GADL1: variants seen among roughly 807,000 people sequenced by gnomAD.
GADL1 encodes the protein GAD like acidic amino acid decarboxylase 1.
GADL1 carries 71 observed loss-of-function variants against 69.5 expected under a neutral mutation model. The observed-to-expected ratio is 1.02, with a 90% CI of 0.84 to 1.25. The LOEUF (loss-of-function observed/expected upper bound fraction) is 1.25. Among genes scored for constraint, GADL1 ranks in the 50% most tolerant of loss-of-function variants. The probability of loss-of-function intolerance (pLI) is 0.00; values close to 1 mark genes in which losing one functional copy is unlikely to be tolerated. For synonymous variants in GADL1, 254 were observed against 214.4 expected, an observed-to-expected ratio of 1.18 and a Z score of -1.62; for missense variants, 737 against 631.8, an observed-to-expected ratio of 1.17 and a Z score of -1.79.
At chr3:30,842,631 TAAC>T (rs1697986334) in intron 8 of GADL1, among the ~76,000 whole-genome samples, 1 of 151,956 alleles carries the variant, frequency 6.6e-6, no homozygotes, top group Non-Finnish European at 1.5e-5. Context: ...CAACAAGCAT[TAAC>T]AACATAATGC....
At chr3:30,774,418 C>T (rs919005366) in intron 14 of GADL1, among the ~76,000 whole-genome samples, 2 of 152,092 alleles carry the variant, frequency 1.3e-5, no homozygotes, top group African/African-American at 2.4e-5. Context: ...CCATGTAAAG[C>T]AAGGGAAAAA....
At chr3:30,785,981 CTGTA>C (rs1696780487) in intron 13 of GADL1, among the ~76,000 whole-genome samples, 1 of 152,096 alleles carries the variant, frequency 6.6e-6, no homozygotes, top group Non-Finnish European at 1.5e-5. Flanking sequence ...AAAGAGAAAA[CTGTA>C]TGCAGTACTG....
rs182207881 is a variant in GADL1 at position 30,779,455 on chromosome 3, A to G, written c.1303-1187T>C. Among the ~76,000 whole-genome samples, 27 of 152,372 alleles carry G rather than the reference A, an allele frequency of 1.8e-4. 1 individual carries two copies. The East Asian group carries it at 5.2e-3, about 29-fold the overall frequency. ...ATCATCTCATATCTTAATAAAAAGT[A>G]GTTTAAAATGAAACACTGTAATTCA... On this transcript the variant is annotated intron_variant, in intron 13 of 14. Coordinates refer to ENST00000282538, the MANE Select transcript of GADL1 (RefSeq NM_207359.3).
At chr3:30,801,567 GTGAAAGAGCTA>G (rs1697166186) in intron 11 of GADL1, among the ~76,000 whole-genome samples, 1 of 152,122 alleles carries the variant, frequency 6.6e-6, no homozygotes, top group African/African-American at 2.4e-5. Context: ...TAAAAACCCA[GTGAAAGAGCTA>G]TGGAAGAGGT....
intron 6 of GADL1, among the ~76,000 whole-genome samples, chr3:30,845,639 A>G (rs1698040497): frequency 6.6e-6 from 1 of 150,484 alleles, no homozygotes; most frequent in Non-Finnish European, 1.5e-5. Context: ...GGACATGTCC[A>G]AAATGCCTGT....
At chr3:30,891,334 C>T (rs998440791) in intron 1 of GADL1, among the ~76,000 whole-genome samples, 5 of 152,140 alleles carry the variant, frequency 3.3e-5, no homozygotes, top group Non-Finnish European at 5.9e-5. Context: ...CACATCCAGC[C>T]CTACCATGAG....
intron 14 of GADL1, among the ~76,000 whole-genome samples, chr3:30,760,390 G>T (rs1463485736): frequency 6.6e-6 from 1 of 152,034 alleles, no homozygotes; most frequent in Non-Finnish European, 1.5e-5. Context: ...TCAGGGACTT[G>T]TATCACTCTG....
At chr3:30,842,797 A>C (rs11709194) in intron 8 of GADL1, among the ~76,000 whole-genome samples, 34,038 of 144,126 alleles carry the variant, frequency 0.24, 4,320 homozygotes, top group East Asian at 0.42. Context: ...AGATAACAAT[A>C]AAGTTCACTT....
intron 1 of GADL1, among the ~76,000 whole-genome samples, chr3:30,879,097 C>T (rs1698612153): frequency 6.6e-6 from 1 of 151,770 alleles, no homozygotes; most frequent in Non-Finnish European, 1.5e-5. Context: ...CTGACTGGTA[C>T]CTTTGTCCCT....
chr3:30,872,323 C>G (rs1460178137), intron 1 of GADL1, among the ~76,000 whole-genome samples: 1 of 151,870 alleles, frequency 6.6e-6, no homozygotes, highest in Non-Finnish European at 1.5e-5. Flanking sequence ...GGAGCTGTAT[C>G]TTCCTTCTTC....
chr3:30,745,939 T>C (rs994510277), intron 14 of GADL1, among the ~76,000 whole-genome samples: 1 of 147,716 alleles, frequency 6.8e-6, no homozygotes, highest in East Asian at 2.1e-4. Flanking sequence ...CTCCTTCCCC[T>C]TCCCCCTCCC....
At chr3:30,844,584 G>A (rs1698024794) in intron 6 of GADL1, 118 bp from the exon 7 acceptor site, 2 of 717,370 alleles carry the variant, frequency 2.8e-6, no homozygotes, top group East Asian at 2.5e-5. Context: ...GGACATTATT[G>A]CATAAAAAAG....
At chr3:30,886,984 TCAC>T (rs2125546934) in intron 1 of GADL1, among the ~76,000 whole-genome samples, 1 of 152,316 alleles carries the variant, frequency 6.6e-6, no homozygotes, top group African/African-American at 2.4e-5. Flanking sequence ...CATGTCATCT[TCAC>T]CACTACTCTG....
intron 13 of GADL1, among the ~76,000 whole-genome samples, chr3:30,782,755 A>AAG (rs1436913660): frequency 6.6e-6 from 1 of 152,202 alleles, no homozygotes; most frequent in African/African-American, 2.4e-5. Context: ...GGAGACTGAA[A>AAG]AGAACAAGTC....
At chr3:30,864,715 C>G (rs1223179740) in intron 1 of GADL1, among the ~76,000 whole-genome samples, 2 of 151,956 alleles carry the variant, frequency 1.3e-5, no homozygotes, top group African/African-American at 4.8e-5. Flanking sequence ...AATTTTCATT[C>G]TAACTGCTAG....
At position 30,740,895 on chromosome 3, in the gene GADL1, C is replaced by A. The variant is rs1381504161; in HGVS notation, c.1393-12480G>T. Reference sequence around the variant, plus strand: ...TGAACAATTTTTATATTTATACAAACAAACATATATATATCTAATATATAA... The same window carrying A: ...TGAACAATTTTTATATTTATACAAAAAAACATATATATATCTAATATATAA... On this transcript the variant is annotated intron_variant, in intron 14 of 14. Coordinates refer to ENST00000282538, the MANE Select transcript of GADL1 (RefSeq NM_207359.3). 5.6e-5 allele frequency among the ~76,000 whole-genome samples: 8 copies of A among 142,618 alleles called. No individual in the cohort carries two copies. The East Asian group carries it at 1.4e-3, about 25-fold the overall frequency. 93.6% of individuals were successfully genotyped at this position (142,618 alleles called of 152,430 possible).
At chr3:30,767,935 G>A (rs73058888) in intron 14 of GADL1, among the ~76,000 whole-genome samples, 24,363 of 151,698 alleles carry the variant, frequency 0.16, 2,650 homozygotes, top group East Asian at 0.36. Context: ...TGAATACACT[G>A]ACAATCAGTA....
intron 14 of GADL1, among the ~76,000 whole-genome samples, chr3:30,749,980 T>C (rs1037135636): frequency 4.6e-5 from 7 of 152,210 alleles, no homozygotes; most frequent in African/African-American, 1.4e-4. Flanking sequence ...GGAGGTTTTG[T>C]ACTTTAGACA....
At chr3:30,889,574 G>C (rs192597417) in intron 1 of GADL1, among the ~76,000 whole-genome samples, 1 of 152,176 alleles carries the variant, frequency 6.6e-6, no homozygotes, top group Non-Finnish European at 1.5e-5. Context: ...TGTATTTAAC[G>C]TGGCAACATG....
Sources: allele counts gnomAD v4.1 joint callset (sites outside exome capture counted in the v4.1 genomes callset), GRCh38; gene constraint gnomAD v4.1.1; transcripts MANE v1.5; gene names NCBI Gene and HGNC (gene_info 2026-07-23, HGNC 2026-07-21).